The following USH2A variants were observed in gnomAD, a reference collection of about 807,000 sequenced individuals.
USH2A encodes the protein Usher syndrome 2A (autosomal recessive, mild).
A neutral mutation model predicts 538.9 loss-of-function variants in USH2A; 443 were observed. The ratio of observed to expected loss-of-function variants is 0.82; its 90% CI spans 0.76 to 0.89. The LOEUF (loss-of-function observed/expected upper bound fraction) is 0.89, where lower values mean the gene tolerates loss of function less well. Among genes scored for constraint, USH2A ranks in the 40% least tolerant of loss-of-function variants. The probability of loss-of-function intolerance (pLI) is 0.00; values close to 1 mark genes in which losing one functional copy is unlikely to be tolerated. For synonymous variants in USH2A, 2,413 were observed against 2,273.5 expected, an observed-to-expected ratio of 1.06 and a Z score of -1.75; for missense variants, 6,633 against 6,324.8, an observed-to-expected ratio of 1.05 and a Z score of -1.65.
intron 2 of USH2A, 79 bp downstream of exon 2, chr1:216,421,773 T>C (rs910050858): frequency 3.1e-6 from 5 of 1,604,142 alleles, no homozygotes; most frequent in Non-Finnish European, 4.3e-6. Flanking sequence ...CACTTCCGGT[T>C]TGGAATTCAG....
At position 216,070,188 on chromosome 1, in the gene USH2A, T is replaced by A; in HGVS notation, c.5962A>T (p.Ile1988Phe). The A allele has an allele frequency of 6.2e-7, 1 of 1,614,024 alleles. No homozygotes were observed. Among genetic ancestry groups the A allele is most frequent in the Non-Finnish European group, 8.5e-7 (1 of 1,179,948 alleles). The stretch of plus-strand genomic sequence containing the variant: ...CTGTCCTCACTATAGGCTTTCAGAA[T>A]GTACTTCTCAATTACACCTCTGACA... Reference protein sequence around the residue: ...PVVRGVIEKYILKAYSEDSTR... With the variant: ...PVVRGVIEKYFLKAYSEDSTR... Residue 1988 changes from isoleucine to phenylalanine, a missense_variant, in exon 30 of 72, where the codon ATT becomes TTT. By Grantham distance (21) the Ile-to-Phe change is conservative. Coordinates refer to ENST00000307340, the MANE Select transcript of USH2A (RefSeq NM_206933.4).
chr1:216,194,015 A>C (rs2034779600), intron 19 of USH2A: 1 of 152,124 alleles, frequency 6.6e-6, no homozygotes, highest in Non-Finnish European at 1.5e-5. Flanking sequence ...TTTGCTGCTC[A>C]ATCCTACATA....
intron 38 of USH2A, chr1:215,901,203 T>C: frequency 2.3e-6 from 1 of 425,638 alleles, no homozygotes; most frequent in Non-Finnish European, 4.4e-6. Context: ...ATGGAGGGAA[T>C]TTAGTGAAGC....
intron 22 of USH2A, among the ~76,000 whole-genome samples, chr1:216,096,619 C>T (rs2032447077): frequency 6.6e-6 from 1 of 151,972 alleles, no homozygotes; most frequent in Non-Finnish European, 1.5e-5. Context: ...GTATCCTTTG[C>T]AGGGGCATGG....
intron 41 of USH2A, among the ~76,000 whole-genome samples, chr1:215,885,527 T>C (rs2102457537): frequency 6.6e-6 from 1 of 152,322 alleles, no homozygotes; most frequent in South Asian, 2.1e-4. Flanking sequence ...TAAATAAAAG[T>C]GCATGGCTTT....
chr1:216,326,766 T>C (rs988385658), intron 5 of USH2A, among the ~76,000 whole-genome samples: 1 of 152,148 alleles, frequency 6.6e-6, no homozygotes, highest in Non-Finnish European at 1.5e-5. Flanking sequence ...CTTCTAAATT[T>C]ACAAGGGCTA....
In USH2A at chr1:216,418,520, A is replaced by G. The variant is rs1250739019; in HGVS notation, c.645T>C (p.Ser215=). The change falls in exon 3 of 72, where the codon AGT becomes AGC. Residue 215 remains serine (S), a synonymous_variant. Coordinates refer to ENST00000307340, the MANE Select transcript of USH2A (RefSeq NM_206933.4). ...TATTTTTTATTTTACTCACCTGCAC[A>G]CTAAGATGAATCCATTTCTTCACAA... ...RILVKKWIHL[S]VQVHQTKISF... is the part of the protein sequence containing the mutation. 1.9e-6 allele frequency: 3 copies of G among 1,612,902 alleles called. No homozygotes were observed. The highest frequency in any genetic ancestry group is 2.2e-5 in the East Asian group (1 of 44,816).
At chr1:215,864,593 T>G (rs11120679) in intron 44 of USH2A, among the ~76,000 whole-genome samples, 16 of 152,274 alleles carry the variant, frequency 1.1e-4, no homozygotes, top group African/African-American at 3.6e-4. Flanking sequence ...ATCATTTGAC[T>G]TGTCAAGTGA....
At position 215,759,721 on chromosome 1, in the gene USH2A, G is replaced by A; in HGVS notation, c.11170C>T (p.Leu3724Phe). ...QYQLSRNGNL[L>F]FLGGSEEQNF... ...TGCTCCTCACTGCCACCCAGGAAAA[G>A]CAAGTTTCCATTACGACTCAATTGA... Residue 3724 changes from leucine to phenylalanine, a missense_variant, in exon 57 of 72, where the codon CTT becomes TTT. By Grantham distance (22) the Leu-to-Phe change is conservative. Coordinates refer to ENST00000307340, the MANE Select transcript of USH2A (RefSeq NM_206933.4). 6.2e-7 allele frequency: 1 copy of A among 1,614,042 alleles called. No individual in the cohort carries two copies. The highest frequency in any genetic ancestry group is 8.5e-7 in the Non-Finnish European group (1 of 1,179,944).
In USH2A at chr1:215,679,049, G is replaced by T. The variant is rs139368774; in HGVS notation, c.12294+1100C>A. On this transcript the variant is annotated intron_variant, in intron 62 of 71. Transcript: ENST00000307340. Reference sequence around the variant, plus strand: ...CTAAGGCTCAAGCCTCTTGCCCCAGGGGGGAGAAGTCTGGCTTCTGTCCAC... The same window carrying T: ...CTAAGGCTCAAGCCTCTTGCCCCAGTGGGGAGAAGTCTGGCTTCTGTCCAC... 1.2e-4 allele frequency among the ~76,000 whole-genome samples: 19 copies of T among 152,006 alleles called. No individual in the cohort carries two copies. In the East Asian group the frequency reaches 2.9e-3, roughly 23 times the overall value.
At chr1:216,249,342 T>C (rs2036113772) in intron 12 of USH2A, among the ~76,000 whole-genome samples, 1 of 152,072 alleles carries the variant, frequency 6.6e-6, no homozygotes, top group South Asian at 2.1e-4. Flanking sequence ...TTAATTTTGA[T>C]TTTTCCCTTC....
intron 35 of USH2A, among the ~76,000 whole-genome samples, chr1:215,990,866 A>C (rs1667988719): frequency 7.0e-6 from 1 of 142,902 alleles, no homozygotes. Flanking sequence ...GGTTTATGCC[A>C]TTCTCCTGCC....
chr1:216,075,955 G>C (rs2031734703), intron 27 of USH2A, among the ~76,000 whole-genome samples: 1 of 151,638 alleles, frequency 6.6e-6, no homozygotes, highest in African/African-American at 2.4e-5. Flanking sequence ...ACGTTTTTAA[G>C]ACAATTGATA....
chr1:216,113,668 T>C (rs941037661), intron 21 of USH2A, among the ~76,000 whole-genome samples: 2 of 152,196 alleles, frequency 1.3e-5, no homozygotes, highest in Admixed American at 1.3e-4. Flanking sequence ...TCTTTGTCTG[T>C]CACTTGTTAA....
At chr1:216,049,452 TA>T (rs969928559) in intron 30 of USH2A, among the ~76,000 whole-genome samples, 1 of 152,000 alleles carries the variant, frequency 6.6e-6, no homozygotes, top group South Asian at 2.1e-4. Flanking sequence ...TCCTGTGAAT[TA>T]AAAAAAATCC....
intron 21 of USH2A, among the ~76,000 whole-genome samples, chr1:216,170,376 C>T (rs1428182887): frequency 1.3e-5 from 2 of 152,016 alleles, no homozygotes; most frequent in Non-Finnish European, 2.9e-5. Context: ...TGTCCTTGAA[C>T]ATCATTATTA....
At chr1:216,207,891 G>C (rs1353515434) in intron 15 of USH2A, among the ~76,000 whole-genome samples, 1 of 150,280 alleles carries the variant, frequency 6.7e-6, no homozygotes, top group Non-Finnish European at 1.5e-5. Context: ...TTGCTTCAGA[G>C]AGCACAGTGT....
At chr1:216,420,145 G>C (rs2039651586) in intron 2 of USH2A, among the ~76,000 whole-genome samples, 2 of 151,770 alleles carry the variant, frequency 1.3e-5, no homozygotes, top group African/African-American at 4.9e-5. Context: ...TACCCATCAG[G>C]TCTTAACCTG....
intron 34 of USH2A, among the ~76,000 whole-genome samples, chr1:215,993,439 A>T (rs1368213485): frequency 6.6e-6 from 1 of 151,988 alleles, no homozygotes; most frequent in Non-Finnish European, 1.5e-5. Context: ...CTAGAGATGT[A>T]GGGCATATAT....
Sources: allele counts gnomAD v4.1 joint callset (sites outside exome capture counted in the v4.1 genomes callset), GRCh38; gene constraint gnomAD v4.1.1; transcripts MANE v1.5; gene names NCBI Gene and HGNC (gene_info 2026-07-23, HGNC 2026-07-21).